Variants in PKD2L1 observed in about 807,000 individuals in gnomAD.
PKD2L1 encodes polycystin-2-like protein 1.
In PKD2L1, 77 loss-of-function variants were observed where a neutral mutation model predicts 93.0. The observed-to-expected ratio is 0.83, with a 90% CI of 0.69 to 1.00. The LOEUF (loss-of-function observed/expected upper bound fraction) is 1.00, where lower values mean the gene tolerates loss of function less well. Ranked by LOEUF, PKD2L1 falls within the 50% of genes least tolerant of loss-of-function variation. The probability of loss-of-function intolerance (pLI) is 0.00; values close to 1 mark genes in which losing one functional copy is unlikely to be tolerated. For missense variants in PKD2L1, 977 were observed against 990.9 expected, an observed-to-expected ratio of 0.99 and a Z score of 0.19; for synonymous variants, 390 against 388.0, an observed-to-expected ratio of 1.01 and a Z score of -0.06.
intron 1 of PKD2L1, 169 bp from the exon 2 acceptor site, chr10:100,329,493 TC>T: frequency 2.3e-6 from 2 of 880,420 alleles, no homozygotes; most frequent in Non-Finnish European, 3.4e-6. Flanking sequence ...TGCTTGCTCT[TC>T]CCATCAGCTC....
Position 100,315,119 on chromosome 10 carries a change from G to GAGAAA in PKD2L1, c.349+14087_349+14091dup, listed in dbSNP as rs1336742455. On this transcript the variant is annotated intron_variant, in intron 2 of 15. Coordinates refer to ENST00000318222, the MANE Select transcript of PKD2L1 (RefSeq NM_016112.3). Reference sequence around the variant, plus strand: ...GGGAAGGGAAGGGAAGGGAAGGGAAGAGAAAACAGTTGAAATGATTATATA... The same window carrying GAGAAA: ...GGGAAGGGAAGGGAAGGGAAGGGAAGAGAAAAGAAAACAGTTGAAATGATTATATA... Among the ~76,000 whole-genome samples, 148 of 75,700 alleles carry GAGAAA rather than the reference G, an allele frequency of 2.0e-3. 52 individuals carry two copies. The highest frequency in any genetic ancestry group is 2.4e-3 in the Non-Finnish European group (86 of 35,956). The allele number at this position is 75,700 out of a possible 152,430, so 49.7% of individuals were successfully genotyped here.
chr10:100,319,434 C>T (rs1249736067), intron 2 of PKD2L1, among the ~76,000 whole-genome samples: 1 of 152,198 alleles, frequency 6.6e-6, no homozygotes, highest in Non-Finnish European at 1.5e-5. Flanking sequence ...ACTGTGCCTT[C>T]ACTAAAATCG....
rs148076442 is a variant in PKD2L1, at chr10:100,299,689, A to G, written c.379T>C (p.Tyr127His). The G allele has an allele frequency of 1.1e-5, 17 of 1,613,326 alleles. No individual in the cohort carries two copies. In the African/African-American group the frequency reaches 2.1e-4, roughly 20 times the overall value. The change falls in exon 3 of 16, where the codon TAT becomes CAT. Residue 127 changes from tyrosine to histidine, a missense_variant. Transcript: ENST00000318222. ...TCAGACATCACTTTGGTGTAGTAAT[A>G]AGCACTGGAGCTTGTCATTCCATAG... is the stretch of plus-strand genomic sequence containing the variant. ...LTYGMTSSSA[Y>H]YYTKVMSELF...
rs954893931 is a variant in PKD2L1 at position 100,313,458 on chromosome 10, T to C, written c.350-13740A>G. Among the ~76,000 whole-genome samples, 5 of 152,254 alleles carry C rather than the reference T, an allele frequency of 3.3e-5. No homozygotes were observed. The South Asian group carries it at 1.0e-3, about 32-fold the overall frequency. Reference sequence around the variant, plus strand: ...TTTCATGCACTGTCTTAACAAATGATAAGGGAGCGGTAACTAAGTTAATAG... The same window carrying C: ...TTTCATGCACTGTCTTAACAAATGACAAGGGAGCGGTAACTAAGTTAATAG... On this transcript the variant is annotated intron_variant, in intron 2 of 15. Coordinates refer to ENST00000318222, the MANE Select transcript of PKD2L1 (RefSeq NM_016112.3).
At chr10:100,310,417 A>G (rs974138242) in intron 2 of PKD2L1, among the ~76,000 whole-genome samples, 5 of 152,216 alleles carry the variant, frequency 3.3e-5, no homozygotes, top group African/African-American at 1.2e-4. Flanking sequence ...ATTAAAATAC[A>G]TTCTTATCCA....
At chr10:100,295,778 G>C (rs1848520284) in intron 7 of PKD2L1, among the ~76,000 whole-genome samples, 1 of 146,606 alleles carries the variant, frequency 6.8e-6, no homozygotes, top group Non-Finnish European at 1.5e-5. Context: ...GCTCATGCAT[G>C]TAATCCTAGC....
intron 2 of PKD2L1, among the ~76,000 whole-genome samples, chr10:100,317,111 ATAAAT>A (rs1387692202): frequency 1.3e-5 from 2 of 152,198 alleles, no homozygotes; most frequent in Admixed American, 1.3e-4. Context: ...ATAAAATAAA[ATAAAT>A]TAAAACTCAG....
intron 2 of PKD2L1, among the ~76,000 whole-genome samples, chr10:100,303,205 T>C (rs1228815895): frequency 6.6e-6 from 1 of 150,390 alleles, no homozygotes; most frequent in African/African-American, 2.4e-5. Context: ...TTTTGTTTTT[T>C]TTTTTGAGAC....
At position 100,288,405 on chromosome 10, in the gene PKD2L1, C is replaced by T; in HGVS notation, c.2409G>A (p.Gln803=). 1 of 1,609,302 alleles carries T rather than the reference C, an allele frequency of 6.2e-7. No individual in the cohort carries two copies. ...CGGGAGTGCCTCACACTTAACTCCT[C>T]TGCAACGTTGGAATCTCACCACGGG... ...RLSRGEIPTL[Q]RS is the part of the protein sequence containing the mutation. The change falls in exon 16 of 16, where the codon CAG becomes CAA. Residue 803 remains glutamine (Q), a synonymous_variant. Transcript: ENST00000318222.
intron 2 of PKD2L1, among the ~76,000 whole-genome samples, chr10:100,313,451 C>A (rs190997268): frequency 3.9e-5 from 6 of 152,254 alleles, no homozygotes; most frequent in Admixed American, 3.9e-4. Context: ...ACTGTCTTAA[C>A]AAATGATAAG....
chr10:100,314,958 A>G (rs761966666), intron 2 of PKD2L1, among the ~76,000 whole-genome samples: 5 of 43,738 alleles, frequency 1.1e-4, no homozygotes, highest in African/African-American at 2.5e-4. Flanking sequence ...AAAGAAAGAA[A>G]GAAAGAAGGA....
intron 13 of PKD2L1, 89 bp downstream of exon 13, chr10:100,290,312 G>A: frequency 1.6e-6 from 2 of 1,266,378 alleles, no homozygotes. Context: ...GTAGGACAGA[G>A]AATTGGAAAG....
chr10:100,292,505 A>C (rs186395830), intron 11 of PKD2L1, among the ~76,000 whole-genome samples: 2 of 152,062 alleles, frequency 1.3e-5, no homozygotes, highest in African/African-American at 4.8e-5. Flanking sequence ...AAAAAAAAAA[A>C]AAATTATGTT....
At chr10:100,296,098 G>C (rs372076799) in intron 7 of PKD2L1, 24 bp downstream of exon 7, 96 of 1,585,818 alleles carry the variant, frequency 6.1e-5, no homozygotes, top group Non-Finnish European at 7.9e-5. Context: ...TTGAAGCAAA[G>C]CTGGGTGTGG....
chr10:100,296,351 C>G, intron 6 of PKD2L1, 59 bp from the exon 7 acceptor site: 2 of 1,410,980 alleles, frequency 1.4e-6, no homozygotes, highest in South Asian at 2.8e-5. Flanking sequence ...AGGGAAGTTC[C>G]AAGATGAGGC....
chr10:100,306,869 AAAAAG>A (rs1261094693), intron 2 of PKD2L1, among the ~76,000 whole-genome samples: 15 of 150,196 alleles, frequency 1.0e-4, no homozygotes, highest in African/African-American at 3.4e-4. Flanking sequence ...AAAAAAAAAA[AAAAAG>A]AAAGAGAGAG....
At chr10:100,298,845 C>A (rs921253681) in intron 3 of PKD2L1, 30 bp from the exon 4 acceptor site, 4 of 1,591,570 alleles carry the variant, frequency 2.5e-6, no homozygotes, top group Non-Finnish European at 3.4e-6. Flanking sequence ...GAACCTTACC[C>A]AGCCTCCTCC....
intron 12 of PKD2L1, 151 bp downstream of exon 12, chr10:100,291,150 T>G (rs1048862203): frequency 8.9e-6 from 7 of 782,490 alleles, no homozygotes; most frequent in Non-Finnish European, 1.4e-5. Flanking sequence ...CAGGGTATTC[T>G]AATGTGCAGC....
At chr10:100,294,761 G>A in intron 8 of PKD2L1, 106 bp from the exon 9 acceptor site, 1 of 1,490,934 alleles carries the variant, frequency 6.7e-7, no homozygotes, top group Non-Finnish European at 9.3e-7. Flanking sequence ...CAATCTGATA[G>A]ACACAGGGCA....
Sources: gnomAD v4.1 joint callset for allele counts (sites outside exome capture counted in the v4.1 genomes callset) on GRCh38, gnomAD v4.1.1 for gene constraint, MANE v1.5 for transcripts, NCBI Gene and HGNC (gene_info 2026-07-23, HGNC 2026-07-21) for gene names.